PPM1E: variants seen among roughly 807,000 people sequenced by gnomAD.
The protein encoded by PPM1E is protein phosphatase, Mg2+/Mn2+ dependent 1E.
PPM1E carries 20 observed loss-of-function variants against 65.9 expected under a neutral mutation model. The observed-to-expected ratio is 0.30, with a 90% CI of 0.21 to 0.44. The LOEUF (loss-of-function observed/expected upper bound fraction) is 0.44, where lower values mean the gene tolerates loss of function less well. Ranked by LOEUF, PPM1E falls within the 20% of genes least tolerant of loss-of-function variation. The pLI, the probability that PPM1E is intolerant of heterozygous loss-of-function variation, is 1.00. For missense variants in PPM1E, 713 were observed against 953.1 expected, an observed-to-expected ratio of 0.75 and a Z score of 3.32; for synonymous variants, 352 against 374.9, an observed-to-expected ratio of 0.94 and a Z score of 0.70.
chr17:58,947,116 T>C, intron 1 of PPM1E, among the ~76,000 whole-genome samples: 1 of 141,878 alleles, frequency 7.0e-6, no homozygotes, highest in Non-Finnish European at 1.5e-5. Context: ...TCCTGTTTTT[T>C]TTTTTTTTTT....
intron 1 of PPM1E, among the ~76,000 whole-genome samples, chr17:58,824,619 T>C (rs2050513844): frequency 6.6e-6 from 1 of 151,146 alleles, no homozygotes; most frequent in Admixed American, 6.6e-5. Context: ...AGACGGAGTC[T>C]CGCTCGTCGC....
chr17:58,770,667 A>G (rs1432554400), intron 1 of PPM1E, among the ~76,000 whole-genome samples: 2 of 152,160 alleles, frequency 1.3e-5, no homozygotes, highest in African/African-American at 4.8e-5. Flanking sequence ...AAACATCACA[A>G]TGGAAAAATC....
In PPM1E at chr17:58,983,109, A is replaced by C. The variant is rs1049816212; in HGVS notation, c.*2078A>C. The C allele has an allele frequency of 7.1e-6, 4 of 565,120 alleles. No homozygotes were observed. Among genetic ancestry groups the C allele is most frequent in the Non-Finnish European group, 1.2e-5 (4 of 322,642 alleles). 35.0% of individuals were successfully genotyped at this position (565,120 alleles called of 1,614,324 possible). A position where few individuals can be genotyped will look rare whatever the true frequency, so the allele number is the denominator to read the frequency against. ...CTAGGCTTTCTCAGTGGGGAAAAAA[A>C]TGGCTGGATAGAACTGGGACAAACA... is the stretch of plus-strand genomic sequence containing the variant. On this transcript the variant is annotated 3_prime_UTR_variant, in exon 7 of 7. Transcript: ENST00000308249.
At chr17:58,785,657 G>A (rs1223768411) in intron 1 of PPM1E, 1 of 151,510 alleles carries the variant, frequency 6.6e-6, no homozygotes, top group African/African-American at 2.4e-5. Flanking sequence ...ATGGAAGATA[G>A]GAGAGAAAGT....
chr17:58,954,258 C>T (rs2052282904), intron 1 of PPM1E, among the ~76,000 whole-genome samples: 1 of 151,882 alleles, frequency 6.6e-6, no homozygotes, highest in Admixed American at 6.6e-5. Flanking sequence ...ATTTTTTTCT[C>T]ACTCTTTTTC....
chr17:58,764,274 TAAA>T (rs2049852058), intron 1 of PPM1E, among the ~76,000 whole-genome samples: 2 of 152,090 alleles, frequency 1.3e-5, no homozygotes, highest in Admixed American at 6.6e-5. Flanking sequence ...TGCTATTTTT[TAAA>T]AAAACCACAA....
At chr17:58,775,798 C>T (rs1034434275) in intron 1 of PPM1E, among the ~76,000 whole-genome samples, 2 of 150,168 alleles carry the variant, frequency 1.3e-5, no homozygotes, top group African/African-American at 4.9e-5. Context: ...CCTGTAGTCC[C>T]AGCTACTCGG....
intron 1 of PPM1E, among the ~76,000 whole-genome samples, chr17:58,800,800 T>C (rs2050251856): frequency 6.6e-6 from 1 of 152,158 alleles, no homozygotes; most frequent in South Asian, 2.1e-4. Context: ...ATGGTCTCTG[T>C]TCTTTTTCTT....
chr17:58,926,759 C>T (rs1447161195), intron 1 of PPM1E, among the ~76,000 whole-genome samples: 1 of 152,086 alleles, frequency 6.6e-6, no homozygotes, highest in Admixed American at 6.6e-5. Context: ...TATAACAAAA[C>T]CAATTAGCTA....
intron 1 of PPM1E, among the ~76,000 whole-genome samples, chr17:58,916,540 T>C (rs9896313): frequency 0.63 from 96,277 of 151,904 alleles, 30,894 homozygotes; most frequent in African/African-American, 0.71. Flanking sequence ...GCTGGAGGAT[T>C]GCTTGAGCCC....
At chr17:58,832,161 T>C (rs1476168991) in intron 1 of PPM1E, among the ~76,000 whole-genome samples, 2 of 152,174 alleles carry the variant, frequency 1.3e-5, no homozygotes, top group East Asian at 3.8e-4. Flanking sequence ...TAGTATTTTT[T>C]CTTCTCTAGC....
At chr17:58,782,888 TA>T (rs1567832111) in intron 1 of PPM1E, among the ~76,000 whole-genome samples, 1 of 152,204 alleles carries the variant, frequency 6.6e-6, no homozygotes, top group Non-Finnish European at 1.5e-5. Context: ...TATGCTTTTT[TA>T]ATACTAACAG....
At chr17:58,880,569 TAAG>T (rs2051183432) in intron 1 of PPM1E, among the ~76,000 whole-genome samples, 1 of 152,152 alleles carries the variant, frequency 6.6e-6, no homozygotes, top group Admixed American at 6.6e-5. Context: ...AGTATGATGG[TAAG>T]GAGAAAAATT....
At chr17:58,873,516 T>C (rs1231201848) in intron 1 of PPM1E, among the ~76,000 whole-genome samples, 1 of 151,414 alleles carries the variant, frequency 6.6e-6, no homozygotes, top group African/African-American at 2.4e-5. Flanking sequence ...TACGTAGAGG[T>C]AGCAAGACTG....
intron 1 of PPM1E, among the ~76,000 whole-genome samples, chr17:58,926,193 T>C (rs1469091686): frequency 1.3e-5 from 2 of 151,950 alleles, no homozygotes; most frequent in Non-Finnish European, 2.9e-5. Context: ...ATACAAAAAT[T>C]AGCTGGGCGT....
chr17:58,816,781 TATATATA>T (rs2050426595), intron 1 of PPM1E, among the ~76,000 whole-genome samples: 1 of 13,354 alleles, frequency 7.5e-5, no homozygotes, highest in Non-Finnish European at 1.6e-4. Context: ...TATATATATA[TATATATA>T]TATATATTTT....
chr17:58,855,453 C>T (rs1452348008), intron 1 of PPM1E, among the ~76,000 whole-genome samples: 1 of 152,186 alleles, frequency 6.6e-6, no homozygotes, highest in Non-Finnish European at 1.5e-5. Context: ...AATGCTTCCC[C>T]TTCCTCCACA....
At chr17:58,822,238 A>G (rs2050487367) in intron 1 of PPM1E, among the ~76,000 whole-genome samples, 1 of 152,240 alleles carries the variant, frequency 6.6e-6, no homozygotes. Context: ...TGAATGAAGT[A>G]CATATGCAAC....
chr17:58,962,081 T>C (rs1484506362), intron 2 of PPM1E, among the ~76,000 whole-genome samples: 1 of 152,100 alleles, frequency 6.6e-6, no homozygotes, highest in African/African-American at 2.4e-5. Context: ...GGTCAGGATT[T>C]CGAGACCAGC....
Sources: gnomAD v4.1 joint callset for allele counts (sites outside exome capture counted in the v4.1 genomes callset) on GRCh38, gnomAD v4.1.1 for gene constraint, MANE v1.5 for transcripts, NCBI Gene and HGNC (gene_info 2026-07-23, HGNC 2026-07-21) for gene names.